The following RABGAP1L variants were observed in gnomAD, a reference collection of about 807,000 sequenced individuals.
RABGAP1L encodes RAB GTPase activating protein 1 like, also known as rab GTPase-activating protein 1-like.
A neutral mutation model predicts 137.7 loss-of-function variants in RABGAP1L; 63 were observed. That is an observed-to-expected ratio of 0.46 (90% CI 0.37 to 0.56). The LOEUF is 0.56. Among genes scored for constraint, RABGAP1L ranks in the 20% least tolerant of loss-of-function variants. RABGAP1L has a pLI of 0.00. For missense variants in RABGAP1L, 1,095 were observed against 1,244.0 expected (o/e 0.88, Z 1.80); for synonymous variants, 431 against 433.7 (o/e 0.99, Z 0.08).
At chr1:174,498,296 A>G (rs1382359170) in intron 13 of RABGAP1L, among the ~76,000 whole-genome samples, 2 of 152,136 alleles carry the variant, frequency 1.3e-5, no homozygotes, top group Non-Finnish European at 2.9e-5. Flanking sequence ...ACCATACGTG[A>G]TTATGTTTGT....
intron 18 of RABGAP1L, among the ~76,000 whole-genome samples, chr1:174,790,693 G>A (rs1299945610): frequency 6.6e-6 from 1 of 151,860 alleles, no homozygotes; most frequent in Non-Finnish European, 1.5e-5. Flanking sequence ...AGTAGAGCTA[G>A]CCATATGAAG....
intron 19 of RABGAP1L, among the ~76,000 whole-genome samples, chr1:174,867,910 G>A (rs1007010400): frequency 6.6e-6 from 1 of 152,226 alleles, no homozygotes. Context: ...CTCCCAAAGT[G>A]CTGGGATTAC....
chr1:174,861,010 C>T (rs905585414), intron 19 of RABGAP1L, among the ~76,000 whole-genome samples: 3 of 152,072 alleles, frequency 2.0e-5, no homozygotes, highest in Non-Finnish European at 2.9e-5. Context: ...GTATCATGAA[C>T]TTGTAGTCAC....
intron 13 of RABGAP1L, among the ~76,000 whole-genome samples, chr1:174,428,689 C>T (rs887541427): frequency 1.2e-4 from 18 of 151,898 alleles, no homozygotes; most frequent in East Asian, 3.9e-4. Context: ...ACCATTTCAT[C>T]GGGAAAAAAA....
At chr1:174,429,606 G>T (rs540997890) in intron 13 of RABGAP1L, among the ~76,000 whole-genome samples, 6 of 152,106 alleles carry the variant, frequency 3.9e-5, no homozygotes, top group Non-Finnish European at 7.3e-5. Flanking sequence ...AGACATGGTG[G>T]TGGGCACCTG....
Position 174,814,926 on chromosome 1 carries a change from A to G in RABGAP1L, c.2340+2966A>G, listed in dbSNP as rs112110639. ...TGGTCTCGAACTCCTGACCCCAAGT[A>G]ATCCGTCCGTCTCAGCTTCCCAAAG... On this transcript the variant is annotated intron_variant, in intron 19 of 25. Transcript: ENST00000681986. Among the ~76,000 whole-genome samples the G allele has an allele frequency of 4.8e-3, 724 of 152,114 alleles. 7 individuals carry two copies. Among genetic ancestry groups the G allele is most frequent in the African/African-American group, 0.016 (684 of 41,516 alleles).
chr1:174,740,720 C>T (rs1683324024), intron 17 of RABGAP1L, among the ~76,000 whole-genome samples: 2 of 152,128 alleles, frequency 1.3e-5, no homozygotes, highest in Non-Finnish European at 2.9e-5. Flanking sequence ...GTTCCCTTTT[C>T]TCCACTTTCT....
intron 19 of RABGAP1L, among the ~76,000 whole-genome samples, chr1:174,934,438 T>C (rs1176351655): frequency 2.6e-5 from 4 of 152,152 alleles, no homozygotes; most frequent in Admixed American, 2.6e-4. Context: ...TGTAAGAATG[T>C]ACAGTTAATG....
At chr1:174,373,055 C>G (rs534571837) in intron 12 of RABGAP1L, among the ~76,000 whole-genome samples, 5 of 152,314 alleles carry the variant, frequency 3.3e-5, no homozygotes, top group Admixed American at 2.0e-4. Flanking sequence ...CAGAATCTAA[C>G]TTACTCATTT....
At chr1:174,661,367 G>A (rs935596543) in intron 14 of RABGAP1L, among the ~76,000 whole-genome samples, 1 of 152,066 alleles carries the variant, frequency 6.6e-6, no homozygotes, top group Non-Finnish European at 1.5e-5. Flanking sequence ...AATACTAAAG[G>A]AGTAAGAAAA....
intron 19 of RABGAP1L, among the ~76,000 whole-genome samples, chr1:174,821,293 C>T (rs1690998108): frequency 6.6e-6 from 1 of 152,120 alleles, no homozygotes; most frequent in Non-Finnish European, 1.5e-5. Context: ...AGAATCCTGA[C>T]CCAGCATCTT....
At chr1:174,738,778 C>T (rs916415033) in intron 17 of RABGAP1L, among the ~76,000 whole-genome samples, 5 of 152,026 alleles carry the variant, frequency 3.3e-5, no homozygotes, top group Admixed American at 2.0e-4. Context: ...ACTTGCAGAC[C>T]GTTTAATATT....
intron 13 of RABGAP1L, among the ~76,000 whole-genome samples, chr1:174,414,571 A>G (rs1650324090): frequency 2.0e-5 from 3 of 151,994 alleles, no homozygotes; most frequent in Admixed American, 2.0e-4. Context: ...ATAAATAAGC[A>G]TTGAATGACT....
At chr1:174,840,452 C>G (rs753169307) in intron 19 of RABGAP1L, among the ~76,000 whole-genome samples, 5 of 152,006 alleles carry the variant, frequency 3.3e-5, no homozygotes, top group Non-Finnish European at 7.4e-5. Flanking sequence ...CAATAATGCC[C>G]AGTTTATGGG....
At chr1:174,609,017 C>T (rs889501708) in intron 13 of RABGAP1L, among the ~76,000 whole-genome samples, 3 of 152,102 alleles carry the variant, frequency 2.0e-5, no homozygotes, top group Non-Finnish European at 4.4e-5. Context: ...ATTACCTCAA[C>T]ACTAATAATA....
rs1456562769 is a variant in RABGAP1L, at chr1:174,527,202, TTG to T, written c.1711-110171_1711-110170del. On this transcript the variant is annotated intron_variant, in intron 13 of 25. Coordinates refer to ENST00000681986, the MANE Select transcript of RABGAP1L (RefSeq NM_001366446.1). ...TCTGAGAAAACATATGATTTTTATT[TTG>T]TTTTTTTTTTTTTTTTTGAGACAGA... 2.3e-3 allele frequency among the ~76,000 whole-genome samples: 304 copies of T among 134,976 alleles called. 1 individual carries two copies. The highest frequency in any genetic ancestry group is 9.5e-3 in the African/African-American group (290 of 30,554). The allele number at this position is 134,976 out of a possible 152,430, so 88.5% of individuals were successfully genotyped here.
At chr1:174,308,522 T>A (rs944993152) in intron 11 of RABGAP1L, among the ~76,000 whole-genome samples, 7 of 152,042 alleles carry the variant, frequency 4.6e-5, no homozygotes, top group Non-Finnish European at 2.9e-5. Context: ...CTTTAATCCA[T>A]TTTTAGTTTA....
chr1:174,886,239 C>T (rs1446052021), intron 19 of RABGAP1L, among the ~76,000 whole-genome samples: 1 of 151,956 alleles, frequency 6.6e-6, no homozygotes, highest in Non-Finnish European at 1.5e-5. Flanking sequence ...CTCGACCTCC[C>T]GATCTTAGGT....
chr1:174,422,556 A>C (rs959132767), intron 13 of RABGAP1L, among the ~76,000 whole-genome samples: 3 of 152,168 alleles, frequency 2.0e-5, no homozygotes, highest in Admixed American at 2.0e-4. Context: ...TAATAATTCT[A>C]TCCCCTTTTA....
Sources: gnomAD v4.1 joint callset for allele counts (sites outside exome capture counted in the v4.1 genomes callset) on GRCh38, gnomAD v4.1.1 for gene constraint, MANE v1.5 for transcripts, NCBI Gene and HGNC (gene_info 2026-07-23, HGNC 2026-07-21) for gene names.